The following SNX29 variants were observed in gnomAD, a reference collection of about 807,000 sequenced individuals.
The protein encoded by SNX29 is sorting nexin-29.
SNX29 carries 78 observed loss-of-function variants against 102.1 expected under a neutral mutation model. That is an observed-to-expected ratio of 0.76 (90% CI 0.64 to 0.92). The LOEUF is 0.92. Among genes scored for constraint, SNX29 ranks in the 40% least tolerant of loss-of-function variants. The pLI, the probability that SNX29 is intolerant of heterozygous loss-of-function variation, is 0.00. For missense variants in SNX29, 1,280 were observed against 1,061.7 expected (o/e 1.21, Z -2.86); for synonymous variants, 580 against 414.5 (o/e 1.40, Z -4.85).
chr16:12,325,868 T>C (rs2081097300), intron 15 of SNX29, among the ~76,000 whole-genome samples: 1 of 151,964 alleles, frequency 6.6e-6, no homozygotes, highest in Admixed American at 6.5e-5. Flanking sequence ...CTCTAAAAAT[T>C]TTTTAAAGCT....
At chr16:12,548,473 G>A (rs1015550513) in intron 20 of SNX29, among the ~76,000 whole-genome samples, 1 of 152,332 alleles carries the variant, frequency 6.6e-6, no homozygotes, top group East Asian at 1.9e-4. Flanking sequence ...ACAGCACCGG[G>A]CTTTCAGGAT....
At chr16:12,133,139 C>T (rs568498451) in intron 13 of SNX29, among the ~76,000 whole-genome samples, 3 of 152,188 alleles carry the variant, frequency 2.0e-5, no homozygotes, top group Non-Finnish European at 2.9e-5. Flanking sequence ...GCAGGTTTCA[C>T]AGTGCAGGTG....
intron 4 of SNX29, among the ~76,000 whole-genome samples, chr16:12,039,785 C>T (rs936191120): frequency 6.6e-6 from 1 of 152,164 alleles, no homozygotes; most frequent in Non-Finnish European, 1.5e-5. Flanking sequence ...TTGCAGTGAG[C>T]TCTGGGGTCC....
chr16:12,380,377 C>CACCCACCCCCCCACCCATCATCT (rs2083033931), intron 16 of SNX29, among the ~76,000 whole-genome samples: 1 of 60,422 alleles, frequency 1.7e-5, no homozygotes. Context: ...TCCACTTATC[C>CACCCACCCCCCCACCCATCATCT]ACCCACCCAC....
At chr16:12,186,385 A>C (rs1044186088) in intron 13 of SNX29, among the ~76,000 whole-genome samples, 1 of 152,210 alleles carries the variant, frequency 6.6e-6, no homozygotes, top group African/African-American at 2.4e-5. Flanking sequence ...GTATCCATAC[A>C]AACTTTTTTC....
chr16:12,108,545 G>A (rs2053363001), intron 11 of SNX29, among the ~76,000 whole-genome samples: 1 of 152,140 alleles, frequency 6.6e-6, no homozygotes, highest in African/African-American at 2.4e-5. Flanking sequence ...CAAGCTTGTT[G>A]GGTGACTACT....
intron 2 of SNX29, among the ~76,000 whole-genome samples, chr16:12,002,660 A>C (rs538727787): frequency 6.6e-6 from 1 of 152,334 alleles, no homozygotes; most frequent in East Asian, 1.9e-4. Flanking sequence ...TGTGTGGTAG[A>C]CAGTCAGCTG....
chr16:12,555,905 A>C (rs535661961), intron 20 of SNX29, among the ~76,000 whole-genome samples: 3 of 151,474 alleles, frequency 2.0e-5, no homozygotes, highest in Non-Finnish European at 4.4e-5. Context: ...CTTGGTCTCA[A>C]ACCTTATTTT....
At chr16:12,253,509 A>G (rs1399021472) in intron 14 of SNX29, among the ~76,000 whole-genome samples, 3 of 152,168 alleles carry the variant, frequency 2.0e-5, no homozygotes, top group Non-Finnish European at 2.9e-5. Flanking sequence ...CATGACTTTA[A>G]GTGAGTCGGG....
chr16:12,150,944 A>G (rs2055272923), intron 13 of SNX29, among the ~76,000 whole-genome samples: 1 of 152,192 alleles, frequency 6.6e-6, no homozygotes, highest in African/African-American at 2.4e-5. Context: ...GTTACTGGGG[A>G]TGTGACCTTG....
intron 14 of SNX29, among the ~76,000 whole-genome samples, chr16:12,231,322 T>C (rs2142199992): frequency 6.6e-6 from 1 of 152,346 alleles, no homozygotes; most frequent in South Asian, 2.1e-4. Context: ...TAAAGTATTT[T>C]CCCTCTCTGT....
chr16:12,141,494 G>C (rs1001115484), intron 13 of SNX29, among the ~76,000 whole-genome samples: 1 of 152,234 alleles, frequency 6.6e-6, no homozygotes. Context: ...GGGCTACTCC[G>C]CAGACAGAGC....
chr16:12,540,733 A>T (rs1034271001), intron 20 of SNX29, among the ~76,000 whole-genome samples: 1 of 152,200 alleles, frequency 6.6e-6, no homozygotes, highest in African/African-American at 2.4e-5. Context: ...AGAGCTGGGC[A>T]TCCTTGGGGC....
chr16:12,547,854 T>C (rs1488459500), intron 20 of SNX29, among the ~76,000 whole-genome samples: 1 of 152,172 alleles, frequency 6.6e-6, no homozygotes, highest in African/African-American at 2.4e-5. Context: ...AACTGGAGTT[T>C]AGCAAAATGA....
rs1000064290 is a variant in SNX29 at position 12,573,189 on chromosome 16, T to G, written c.*4560T>G. Reference sequence around the variant, plus strand: ...GAAGTAAGGGTGTAGCCATCCAGGGTCTCCCGGCTCTAGGCAGACCGGATC... The same window carrying G: ...GAAGTAAGGGTGTAGCCATCCAGGGGCTCCCGGCTCTAGGCAGACCGGATC... On this transcript the variant is annotated 3_prime_UTR_variant, in exon 21 of 21. Coordinates refer to ENST00000566228, the MANE Select transcript of SNX29 (RefSeq NM_032167.5). 4.4e-6 allele frequency: 1 copy of G among 226,010 alleles called. No homozygotes were observed. Among genetic ancestry groups the G allele is most frequent in the Admixed American group, 5.7e-5 (1 of 17,474 alleles). The allele number at this position is 226,010 out of a possible 1,614,324, so 14.0% of individuals were successfully genotyped here. A position where few individuals can be genotyped will look rare whatever the true frequency, so the allele number is the denominator to read the frequency against.
chr16:12,267,441 G>A (rs1030143509), intron 14 of SNX29, among the ~76,000 whole-genome samples: 25 of 152,170 alleles, frequency 1.6e-4, no homozygotes, highest in African/African-American at 5.3e-4. Flanking sequence ...ATTTCATGCC[G>A]TGGTGTTTGA....
chr16:12,068,751 G>T (rs541735984), intron 9 of SNX29, among the ~76,000 whole-genome samples: 1 of 152,048 alleles, frequency 6.6e-6, no homozygotes, highest in Non-Finnish European at 1.5e-5. Flanking sequence ...CACCATGTTG[G>T]CCAGGCCGGT....
chr16:12,147,182 G>A (rs2055099064), intron 13 of SNX29, among the ~76,000 whole-genome samples: 1 of 152,234 alleles, frequency 6.6e-6, no homozygotes, highest in East Asian at 1.9e-4. Flanking sequence ...AGTACCCAAT[G>A]CCAGATGTTC....
intron 16 of SNX29, among the ~76,000 whole-genome samples, chr16:12,357,833 G>A: frequency 6.6e-6 from 1 of 152,148 alleles, no homozygotes; most frequent in East Asian, 1.9e-4. Context: ...TTTGTTTACT[G>A]AAGACACTGG....
Sources: allele counts gnomAD v4.1 joint callset (sites outside exome capture counted in the v4.1 genomes callset), GRCh38; gene constraint gnomAD v4.1.1; transcripts MANE v1.5; gene names NCBI Gene and HGNC (gene_info 2026-07-23, HGNC 2026-07-21).